DYNLT3: variants seen among roughly 807,000 people sequenced by gnomAD.
DYNLT3 encodes protein 91/23.
In DYNLT3, 4 loss-of-function variants were observed where a neutral mutation model predicts 11.0. The ratio of observed to expected loss-of-function variants is 0.36; its 90% CI spans 0.18 to 0.83. DYNLT3 has a LOEUF of 0.83. Among genes scored for constraint, DYNLT3 ranks in the 40% least tolerant of loss-of-function variants. The pLI is 0.47. For synonymous variants in DYNLT3, 37 were observed against 31.2 expected (o/e 1.18, Z -0.61); for missense variants, 91 against 91.1 (o/e 1.00, Z 0.01).
chrX:37,847,099 C>A (rs1039685944), intron 1 of DYNLT3: 1 of 1,164,034 alleles, frequency 8.6e-7, no homozygotes, highest in Non-Finnish European at 1.1e-6. Flanking sequence ...ATGGGGGCTG[C>A]AGCACCCGCG....
intron 2 of DYNLT3, among the ~76,000 whole-genome samples, chrX:37,842,522 T>C (rs921566053): frequency 8.9e-6 from 1 of 111,911 alleles, no homozygotes; most frequent in Non-Finnish European, 1.9e-5. Flanking sequence ...AAAGATGCTC[T>C]AGAAAGATAA....
Position 37,841,061 on chromosome X carries a change from C to T in DYNLT3, c.241G>A (p.Ala81Thr), listed in dbSNP as rs1199513968. The T allele has an allele frequency of 8.3e-7, 1 of 1,210,655 alleles. No individual in the cohort carries two copies. The highest frequency in any genetic ancestry group is 1.1e-6 in the Non-Finnish European group (1 of 895,075). Residue 81 changes from alanine (A) to threonine (T), a missense_variant, in exon 4 of 5, where the codon GCC (alanine) becomes ACC (threonine). Ala to Thr is a moderately conservative substitution (Grantham distance 58). Transcript: ENST00000378578. ...VQKSAYGFHT[A>T]SSCFWDTTSD... ...GTGGTATCCCAAAAACAGGAGCTGG[C>T]TGTGTGAAAGCCATATGCGCTCTTC...
chrX:37,841,141 A>G, intron 3 of DYNLT3, 36 bp from the exon 4 acceptor site: 4 of 1,158,838 alleles, frequency 3.5e-6, no homozygotes, highest in Non-Finnish European at 4.7e-6. Context: ...GCACTTACAG[A>G]CAAAGGAAAA....
Position 37,840,414 on chromosome X carries a change from C to G in DYNLT3, c.*161G>C. ...AGAATATGAGCTAATCTGCCAATTA[C>G]TATGATATTGCTTGCTTATAATATT... On this transcript the variant is annotated 3_prime_UTR_variant, in exon 5 of 5. Coordinates refer to ENST00000378578, the MANE Select transcript of DYNLT3 (RefSeq NM_006520.3). The G allele has an allele frequency of 8.0e-6, 3 of 376,966 alleles. No individual in the cohort carries two copies. Among genetic ancestry groups the G allele is most frequent in the Non-Finnish European group, 1.3e-5 (3 of 223,437 alleles). The allele number at this position is 376,966 out of a possible 1,213,427, so 31.1% of individuals were successfully genotyped here. A position where few individuals can be genotyped will look rare whatever the true frequency, so the allele number is the denominator to read the frequency against.
intron 2 of DYNLT3, among the ~76,000 whole-genome samples, chrX:37,842,510 A>G (rs1441285798): frequency 8.9e-6 from 1 of 112,028 alleles, no homozygotes; most frequent in Non-Finnish European, 1.9e-5. Context: ...CTGAAAGTAA[A>G]TAAAGATGCT....
chrX:37,846,317 C>T lies in DYNLT3; in HGVS notation c.72G>A (p.Glu24=). Residue 24 remains glutamate, a splice_region_variant and synonymous_variant, in exon 2 of 5, where the codon GAG becomes GAA. Coordinates refer to ENST00000378578, the MANE Select transcript of DYNLT3 (RefSeq NM_006520.3). ...NAEEAHNIVK[E]CVDGVLGGED... is the part of the protein sequence containing the mutation. ...AAGAGAAACAAAATGTATGACTCAC[C>T]TCTTTGACAATATTGTGGGCTTCCT... is the stretch of plus-strand genomic sequence containing the variant. 1 of 1,208,795 alleles carries T rather than the reference C, an allele frequency of 8.3e-7. No homozygotes were observed. The highest frequency in any genetic ancestry group is 1.1e-6 in the Non-Finnish European group (1 of 893,728).
Position 37,840,731 on chromosome X carries a change from C to T in DYNLT3, c.275-80G>A, listed in dbSNP as rs776816501. ...GAATATATATATATATATACACACA[C>T]ACACACACACACACACATATACACA... is the stretch of plus-strand genomic sequence containing the variant. On this transcript the variant is annotated intron_variant, in intron 4 of 4. Coordinates refer to ENST00000378578, the MANE Select transcript of DYNLT3 (RefSeq NM_006520.3). 838 of 512,461 alleles carry T rather than the reference C, an allele frequency of 1.6e-3. 7 individuals are homozygous for T. The African/African-American group carries it at 0.02, about 12-fold the overall frequency. The allele number at this position is 512,461 out of a possible 1,213,427, so 42.2% of individuals were successfully genotyped here.
intron 2 of DYNLT3, 104 bp downstream of exon 2, chrX:37,846,213 T>G: frequency 1.2e-6 from 1 of 811,527 alleles, no homozygotes. Flanking sequence ...AATATTCTTC[T>G]TTTAACAGTA....
chrX:37,840,976 T>C, intron 4 of DYNLT3, 52 bp downstream of exon 4: 1 of 1,158,278 alleles, frequency 8.6e-7, no homozygotes, highest in Non-Finnish European at 1.2e-6. Flanking sequence ...AAAAGTGCAG[T>C]TTGACTTTGC....
At chrX:37,846,998 C>T in intron 1 of DYNLT3, 1 of 1,165,550 alleles carries the variant, frequency 8.6e-7, no homozygotes, top group Non-Finnish European at 1.1e-6. Context: ...AGCAAGGGCT[C>T]GTAATCCATA....
rs1341166737 is a variant in DYNLT3 at position 37,841,911 on chromosome X, A to AG, written c.73-7dup. On this transcript the variant is annotated splice_polypyrimidine_tract_variant and splice_region_variant and intron_variant, in intron 2 of 4. Coordinates refer to ENST00000378578, the MANE Select transcript of DYNLT3 (RefSeq NM_006520.3). ...CCTAAAACCCCATCTACACACTAAA[A>AG]GGGCACAGAGGGCAGTTAATTTAGT... The AG allele has an allele frequency of 3.7e-6, 4 of 1,087,395 alleles. No individual in the cohort carries two copies. The highest frequency in any genetic ancestry group is 4.9e-6 in the Non-Finnish European group (4 of 821,222). The allele number at this position is 1,087,395 out of a possible 1,213,427, so 89.6% of individuals were successfully genotyped here.
chrX:37,839,520 C>T lies in DYNLT3; in HGVS notation c.*1055G>A, dbSNP rs753015949. The stretch of plus-strand genomic sequence containing the variant: ...ACTAAAGCAATGACAAAATTTACTA[C>T]TTGTATAGGTAAGACTGATAATAAG... On this transcript the variant is annotated 3_prime_UTR_variant, in exon 5 of 5. Transcript: ENST00000378578. The T allele has an allele frequency of 8.9e-6, 1 of 112,243 alleles. No homozygotes were observed. The highest frequency in any genetic ancestry group is 1.9e-5 in the Non-Finnish European group (1 of 53,147). The allele number at this position is 112,243 out of a possible 1,213,427, so 9.3% of individuals were successfully genotyped here.
intron 1 of DYNLT3, 75 bp from the exon 2 acceptor site, chrX:37,846,433 C>T (rs1397592713): frequency 9.6e-7 from 1 of 1,040,822 alleles, no homozygotes; most frequent in African/African-American, 1.9e-5. Context: ...ATATCCTAGG[C>T]TGGCCTAGAC....
rs377132994 is a variant in DYNLT3 at position 37,841,119 on chromosome X, C to G, written c.197-14G>C. 204 of 1,194,090 alleles carry G rather than the reference C, an allele frequency of 1.7e-4. No individual in the cohort carries two copies. The highest frequency in any genetic ancestry group is 1.6e-4 in the Non-Finnish European group (138 of 885,422). On this transcript the variant is annotated splice_polypyrimidine_tract_variant and intron_variant, in intron 3 of 4. Transcript: ENST00000378578. ...CTGCACAGGTCACTGCAAATAAAGT[C>G]ACAGAATGAGGGCACTTACAGACAA...
rs935290881 is a variant in DYNLT3, at chrX:37,847,518, C to T, written c.-8G>A. 24 of 976,053 alleles carry T rather than the reference C, an allele frequency of 2.5e-5. No homozygotes were observed. Among genetic ancestry groups the T allele is most frequent in the Non-Finnish European group, 3.1e-5 (24 of 773,290 alleles). The allele number at this position is 976,053 out of a possible 1,213,427, so 80.4% of individuals were successfully genotyped here. A position where few individuals can be genotyped will look rare whatever the true frequency, so the allele number is the denominator to read the frequency against. The stretch of plus-strand genomic sequence containing the variant: ...GCGATGGTACTCCTCCATGGTAGCG[C>T]CGGCTCTCCCTGGGGCGGAGCGACA... On this transcript the variant is annotated 5_prime_UTR_variant, in exon 1 of 5. Coordinates refer to ENST00000378578, the MANE Select transcript of DYNLT3 (RefSeq NM_006520.3).
In DYNLT3 at chrX:37,840,434, AATAT is replaced by A. The variant is rs1930119080; in HGVS notation, c.*137_*140del. The A allele has an allele frequency of 7.0e-6, 3 of 427,682 alleles. No homozygotes were observed. Among genetic ancestry groups the A allele is most frequent in the Non-Finnish European group, 1.1e-5 (3 of 266,719 alleles). The allele number at this position is 427,682 out of a possible 1,213,427, so 35.2% of individuals were successfully genotyped here. ...AATTACTATGATATTGCTTGCTTAT[AATAT>A]TCAGTTTTTGTTGATAGCTTTAAAG... is the stretch of plus-strand genomic sequence containing the variant. On this transcript the variant is annotated 3_prime_UTR_variant, in exon 5 of 5. Transcript: ENST00000378578.
Position 37,841,091 on chromosome X carries a change from C to T in DYNLT3, c.211G>A (p.Val71Ile). The stretch of plus-strand genomic sequence containing the variant: ...TGAAAGCCATATGCGCTCTTCTGGA[C>T]CACTGCACAGGTCACTGCAAATAAA... ...AYKYIVTCAV[V>I]QKSAYGFHTA... Residue 71 changes from valine (V) to isoleucine (I), a missense_variant, in exon 4 of 5, where the codon GTC becomes ATC. Physicochemically the swap from Val to Ile is conservative, Grantham distance 29. Transcript: ENST00000378578. The T allele has an allele frequency of 8.3e-7, 1 of 1,208,630 alleles. No individual in the cohort carries two copies. The highest frequency in any genetic ancestry group is 1.8e-5 in the South Asian group (1 of 56,429).
At chrX:37,842,290 G>C (rs1733024669) in intron 2 of DYNLT3, among the ~76,000 whole-genome samples, 1 of 111,727 alleles carries the variant, frequency 9.0e-6, no homozygotes, top group African/African-American at 3.2e-5. Context: ...GCTATCAATT[G>C]GTTAACAAGT....
Position 37,841,028 on chromosome X carries a change from C to T in DYNLT3, c.274G>A (p.Gly92Arg). Residue 92 changes from glycine to arginine, a missense_variant and splice_region_variant, in exon 4 of 5, where the codon GGA becomes AGA. Coordinates refer to ENST00000378578, the MANE Select transcript of DYNLT3 (RefSeq NM_006520.3). ...SSCFWDTTSD[G>R]TCTVRWENRT... ...TGTAAATCAGCTTAAGATCTCTTAC[C>T]ATCAGATGTGGTATCCCAAAAACAG... 8.3e-7 allele frequency: 1 copy of T among 1,208,716 alleles called. No individual in the cohort carries two copies. The highest frequency in any genetic ancestry group is 1.1e-6 in the Non-Finnish European group (1 of 894,075).
Sources: gnomAD v4.1 joint callset for allele counts (sites outside exome capture counted in the v4.1 genomes callset) on GRCh38, gnomAD v4.1.1 for gene constraint, MANE v1.5 for transcripts, NCBI Gene and HGNC (gene_info 2026-07-23, HGNC 2026-07-21) for gene names.